The following PIK3IP1 variants were observed in gnomAD, a reference collection of about 807,000 sequenced individuals.
PIK3IP1 encodes phosphoinositide-3-kinase interacting protein 1.
PIK3IP1 carries 28 observed loss-of-function variants against 30.7 expected under a neutral mutation model. The observed-to-expected ratio is 0.91, with a 90% CI of 0.68 to 1.25. The LOEUF is 1.25. PIK3IP1 is among the 50% of genes most tolerant of loss of function. The probability of loss-of-function intolerance (pLI) is 0.00; values close to 1 mark genes in which losing one functional copy is unlikely to be tolerated. For missense variants in PIK3IP1, 333 were observed against 346.2 expected (o/e 0.96, Z 0.30); for synonymous variants, 159 against 140.8 (o/e 1.13, Z -0.91).
intron 5 of PIK3IP1, among the ~76,000 whole-genome samples, chr22:31,286,149 A>C (rs1179474713): frequency 6.6e-6 from 1 of 152,196 alleles, no homozygotes; most frequent in African/African-American, 2.4e-5. Context: ...TCTCAAAAAA[A>C]AAAAAATTAA....
chr22:31,292,450 T>C lies in PIK3IP1; in HGVS notation c.-106A>G. 1 of 857,584 alleles carries C rather than the reference T, an allele frequency of 1.2e-6. No homozygotes were observed. The highest frequency in any genetic ancestry group is 2.0e-6 in the Non-Finnish European group (1 of 506,268). 53.1% of individuals were successfully genotyped at this position (857,584 alleles called of 1,614,324 possible). A position where few individuals can be genotyped will look rare whatever the true frequency, so the allele number is the denominator to read the frequency against. On this transcript the variant is annotated 5_prime_UTR_variant, in exon 1 of 6. Coordinates refer to ENST00000215912, the MANE Select transcript of PIK3IP1 (RefSeq NM_052880.5). ...CCCAGCCTTGCAGTCAGACCTGCCC[T>C]TGTTATGCTGTTCTGGTAAACAGCC...
At chr22:31,288,749 GA>G (rs1440954539) in intron 5 of PIK3IP1, among the ~76,000 whole-genome samples, 1 of 152,232 alleles carries the variant, frequency 6.6e-6, no homozygotes. Flanking sequence ...CACACGTGGT[GA>G]AGAGTGGCAA....
intron 5 of PIK3IP1, among the ~76,000 whole-genome samples, chr22:31,287,014 C>CTTTT (rs11427273): frequency 8.4e-4 from 83 of 98,638 alleles, no homozygotes; most frequent in Non-Finnish European, 1.2e-3. Context: ...CCATTACCCA[C>CTTTT]TTTTTTTTTT....
Position 31,290,827 on chromosome 22 carries a change from A to G in PIK3IP1, c.307+138T>C, listed in dbSNP as rs947079743. On this transcript the variant is annotated intron_variant, in intron 3 of 5. Coordinates refer to ENST00000215912, the MANE Select transcript of PIK3IP1 (RefSeq NM_052880.5). ...ATAGGCTTTGAGCCCCGCGGCCTGG[A>G]GACAGCCCTGGCCAATCGGACGGCG... 2.3e-6 allele frequency: 3 copies of G among 1,277,266 alleles called. No homozygotes were observed. In the Admixed American group the frequency reaches 1.1e-4, roughly 46 times the overall value. 79.1% of individuals were successfully genotyped at this position (1,277,266 alleles called of 1,614,324 possible). A position where few individuals can be genotyped will look rare whatever the true frequency, so the allele number is the denominator to read the frequency against.
Position 31,289,480 on chromosome 22 carries a change from G to C in PIK3IP1, c.508+19C>G, listed in dbSNP as rs761245067. 12 of 1,541,124 alleles carry C rather than the reference G, an allele frequency of 7.8e-6. No individual in the cohort carries two copies. The Admixed American group carries it at 2.0e-4, about 26-fold the overall frequency. ...TCTTGATGAATCCCAACGAGGGCAG[G>C]GGTGGGGGACCGTCATACCCAGAGT... On this transcript the variant is annotated intron_variant, in intron 4 of 5. Transcript: ENST00000215912.
At chr22:31,284,197 C>G (rs1164592854) in intron 5 of PIK3IP1, among the ~76,000 whole-genome samples, 1 of 152,256 alleles carries the variant, frequency 6.6e-6, no homozygotes, top group Non-Finnish European at 1.5e-5. Flanking sequence ...AGCCACCACA[C>G]CCAGCCTAAT....
chr22:31,283,964 G>A (rs2049111548), intron 5 of PIK3IP1, among the ~76,000 whole-genome samples: 1 of 152,060 alleles, frequency 6.6e-6, no homozygotes, highest in African/African-American at 2.4e-5. Context: ...GAGTACAATG[G>A]CACAATCTCG....
chr22:31,286,834 C>G (rs2049134075), intron 5 of PIK3IP1, among the ~76,000 whole-genome samples: 1 of 152,108 alleles, frequency 6.6e-6, no homozygotes, highest in Non-Finnish European at 1.5e-5. Context: ...AGGCCAGGGC[C>G]ACTATGTCAT....
chr22:31,290,783 C>G, intron 3 of PIK3IP1, 182 bp downstream of exon 3: 1 of 865,658 alleles, frequency 1.2e-6, no homozygotes. Context: ...TGAGCTCATA[C>G]GAGTGGCGGC....
chr22:31,283,768 C>T (rs1215079016), intron 5 of PIK3IP1, among the ~76,000 whole-genome samples: 2 of 151,782 alleles, frequency 1.3e-5, no homozygotes, highest in Admixed American at 6.6e-5. Context: ...TTCTTTCAGC[C>T]CCAGAGACCC....
intron 5 of PIK3IP1, chr22:31,288,957 T>G: frequency 2.2e-6 from 1 of 454,664 alleles, no homozygotes; most frequent in Non-Finnish European, 3.9e-6. Context: ...GCAGTGCCAC[T>G]CACTTCAATG....
intron 5 of PIK3IP1, among the ~76,000 whole-genome samples, chr22:31,286,592 C>T (rs1439097703): frequency 6.6e-6 from 1 of 152,142 alleles, no homozygotes; most frequent in African/African-American, 2.4e-5. Context: ...TTTTAGGCCT[C>T]AGGGCAGTCT....
Position 31,283,997 on chromosome 22 carries a change from C to A in PIK3IP1, c.588-709G>T, listed in dbSNP as rs528435739. Among the ~76,000 whole-genome samples, 655 of 152,256 alleles carry A rather than the reference C, an allele frequency of 4.3e-3. 1 individual carries two copies. Among genetic ancestry groups the A allele is most frequent in the African/African-American group, 0.013 (551 of 41,540 alleles). On this transcript the variant is annotated intron_variant, in intron 5 of 5. Transcript: ENST00000215912. ...TCGGCTCACTGCAACCTCTGCCTCT[C>A]AGGTTCAAGCGATTCTCCTGCCTCA...
intron 5 of PIK3IP1, among the ~76,000 whole-genome samples, chr22:31,285,093 C>T (rs888347889): frequency 8.5e-5 from 13 of 152,206 alleles, no homozygotes; most frequent in African/African-American, 3.1e-4. Context: ...ACTTCCTCTC[C>T]CAGAGTATGG....
intron 3 of PIK3IP1, 184 bp from the exon 4 acceptor site, chr22:31,289,883 G>T: frequency 1.7e-6 from 1 of 576,732 alleles, no homozygotes; most frequent in South Asian, 2.3e-5. Flanking sequence ...ACCATCTCAG[G>T]GACAAGGCAA....
intron 1 of PIK3IP1, among the ~76,000 whole-genome samples, chr22:31,291,595 T>C (rs1433824329): frequency 1.3e-5 from 2 of 151,928 alleles, no homozygotes; most frequent in South Asian, 2.1e-4. Flanking sequence ...GCTGCAGAAG[T>C]GCAAAGCGTT....
chr22:31,283,559 C>T (rs572163390), intron 5 of PIK3IP1, among the ~76,000 whole-genome samples: 4 of 151,790 alleles, frequency 2.6e-5, no homozygotes, highest in East Asian at 3.9e-4. Context: ...ACAGCTTCAC[C>T]GGGGCTCAAT....
In PIK3IP1 at chr22:31,291,284, TCC is replaced by T. The variant is rs1264638976; in HGVS notation, c.81_82del (p.Trp27Ter). 1 of 1,556,684 alleles carries T rather than the reference TCC, an allele frequency of 6.4e-7. No homozygotes were observed. On this transcript the variant is annotated stop_gained and frameshift_variant, in exon 2 of 6. Transcript: ENST00000215912. LOFTEE classifies it high-confidence loss of function. ...GTCCTCCCGGTACAGGTGGCCGTTG[TCC>T]CAGAAACAGCCTGTGAGGAAAAGAA...
At chr22:31,290,652 G>A (rs1173229218) in intron 3 of PIK3IP1, 8 of 324,248 alleles carry the variant, frequency 2.5e-5, no homozygotes, top group Non-Finnish European at 3.9e-5. Context: ...CACTGCAGAC[G>A]CTCCGCAAAC....
Sources: gnomAD v4.1 joint callset for allele counts (sites outside exome capture counted in the v4.1 genomes callset) on GRCh38, gnomAD v4.1.1 for gene constraint, MANE v1.5 for transcripts, NCBI Gene and HGNC (gene_info 2026-07-23, HGNC 2026-07-21) for gene names.